MGAT5: variants seen among roughly 807,000 people sequenced by gnomAD.
MGAT5 encodes the protein alpha-1,6-mannosylglycoprotein 6-beta-N-acetylglucosaminyltransferase.
MGAT5 carries 30 observed loss-of-function variants against 94.3 expected under a neutral mutation model. That is an observed-to-expected ratio of 0.32 (90% CI 0.24 to 0.43). MGAT5 has a LOEUF of 0.43. Ranked by LOEUF, MGAT5 falls within the 20% of genes least tolerant of loss-of-function variation. The pLI, the probability that MGAT5 is intolerant of heterozygous loss-of-function variation, is 1.00. For synonymous variants in MGAT5, 310 were observed against 322.9 expected, an observed-to-expected ratio of 0.96 and a Z score of 0.43; for missense variants, 691 against 905.5, an observed-to-expected ratio of 0.76 and a Z score of 3.04.
chr2:134,205,438 A>T lies in MGAT5; in HGVS notation c.-142-48824A>T, dbSNP rs548976501. On this transcript the variant is annotated intron_variant, in intron 1 of 16. Transcript: ENST00000409645. ...AGGCAGAGCTGGTAGATACTGATGG[A>T]TTAAATATGAGGGGTGGGAAGGAGT... Among the ~76,000 whole-genome samples, 34 of 152,158 alleles carry T rather than the reference A, an allele frequency of 2.2e-4. 1 individual carries two copies. In the South Asian group the frequency reaches 6.8e-3, roughly 31 times the overall value.
At chr2:134,280,885 T>C (rs946532076) in intron 2 of MGAT5, among the ~76,000 whole-genome samples, 2 of 152,230 alleles carry the variant, frequency 1.3e-5, no homozygotes, top group Non-Finnish European at 2.9e-5. Context: ...AGGTTTTCAC[T>C]CCTGGGCCAG....
intron 1 of MGAT5, among the ~76,000 whole-genome samples, chr2:134,191,951 C>T (rs1036883060): frequency 5.4e-5 from 8 of 148,632 alleles, no homozygotes; most frequent in Non-Finnish European, 7.5e-5. Context: ...TCGTGCCCTC[C>T]TTCTCCTCCT....
At chr2:134,212,831 T>C (rs1680272185) in intron 1 of MGAT5, among the ~76,000 whole-genome samples, 1 of 152,206 alleles carries the variant, frequency 6.6e-6, no homozygotes, top group African/African-American at 2.4e-5. Flanking sequence ...TCAGTTCCAG[T>C]GTATCCAACT....
rs182827141 is a variant in MGAT5 at position 134,374,760 on chromosome 2, A to C, written c.1380+12352A>C. Among the ~76,000 whole-genome samples the C allele has an allele frequency of 4.0e-3, 614 of 152,274 alleles. 3 individuals carry two copies. The highest frequency in any genetic ancestry group is 0.014 in the African/African-American group (591 of 41,566). ...GTAATCCCAGTACTTTGGAAGGCCG[A>C]GGTGGGCAGATCACTTGAGCCTAGG... On this transcript the variant is annotated intron_variant, in intron 10 of 15. Coordinates refer to ENST00000281923, the MANE Select transcript of MGAT5 (RefSeq NM_002410.5).
chr2:134,355,092 C>G (rs1184505527), intron 9 of MGAT5, among the ~76,000 whole-genome samples: 4 of 152,180 alleles, frequency 2.6e-5, no homozygotes, highest in Non-Finnish European at 5.9e-5. Flanking sequence ...CACCAAACAG[C>G]CTGCTGGTCC....
chr2:134,389,836 A>G (rs1682286826), intron 10 of MGAT5, among the ~76,000 whole-genome samples: 1 of 152,188 alleles, frequency 6.6e-6, no homozygotes, highest in Non-Finnish European at 1.5e-5. Flanking sequence ...CCTCTTGTGA[A>G]CCTTGTATTG....
At chr2:134,416,555 T>C (rs1393391728) in intron 12 of MGAT5, among the ~76,000 whole-genome samples, 1 of 150,876 alleles carries the variant, frequency 6.6e-6, no homozygotes, top group African/African-American at 2.4e-5. Flanking sequence ...CACTGCAGTC[T>C]CAAACTCCTG....
At position 134,332,754 on chromosome 2, in the gene MGAT5, C is replaced by A. The variant is rs1201980029; in HGVS notation, c.574-3463C>A. 2.0e-5 allele frequency among the ~76,000 whole-genome samples: 3 copies of A among 152,032 alleles called. No individual in the cohort carries two copies. In the East Asian group the frequency reaches 5.8e-4, roughly 29 times the overall value. On this transcript the variant is annotated intron_variant, in intron 4 of 15. Coordinates refer to ENST00000281923, the MANE Select transcript of MGAT5 (RefSeq NM_002410.5). ...AACAAATTTACAAGAAAAAAACAACCCCATCAAAAAGTGGGCGAAGGACAT... is the reference window on the plus strand; with the variant it reads ...AACAAATTTACAAGAAAAAAACAACACCATCAAAAAGTGGGCGAAGGACAT...
At chr2:134,413,091 A>C (rs1683764253) in intron 12 of MGAT5, 76 bp downstream of exon 12, 1 of 1,517,220 alleles carries the variant, frequency 6.6e-7, no homozygotes, top group Non-Finnish European at 9.0e-7. Context: ...TGTAGGTATT[A>C]ACTTCATCTA....
chr2:134,261,070 A>G (rs1683302095), intron 1 of MGAT5, among the ~76,000 whole-genome samples: 2 of 152,172 alleles, frequency 1.3e-5, no homozygotes. Flanking sequence ...GGAAGACCTC[A>G]GAAATGTTTT....
At chr2:134,126,587 C>G (rs556301002) in intron 1 of MGAT5, among the ~76,000 whole-genome samples, 2 of 152,352 alleles carry the variant, frequency 1.3e-5, no homozygotes, top group South Asian at 4.1e-4. Flanking sequence ...TATTGTTACT[C>G]TCTTTGGGGA....
intron 1 of MGAT5, among the ~76,000 whole-genome samples, chr2:134,130,984 G>A (rs558537657): frequency 1.3e-5 from 2 of 152,340 alleles, no homozygotes; most frequent in South Asian, 2.1e-4. Flanking sequence ...ATAAAAGCAG[G>A]CTGCCTGAGC....
At chr2:134,180,397 C>G (rs1375675237) in intron 1 of MGAT5, among the ~76,000 whole-genome samples, 1 of 152,206 alleles carries the variant, frequency 6.6e-6, no homozygotes, top group Non-Finnish European at 1.5e-5. Flanking sequence ...TCAAATTCCT[C>G]TTGGTAAAGT....
chr2:134,417,551 T>C (rs1684050908), intron 12 of MGAT5, among the ~76,000 whole-genome samples: 1 of 152,196 alleles, frequency 6.6e-6, no homozygotes, highest in African/African-American at 2.4e-5. Context: ...TTGACTGATA[T>C]TTTCCCATCA....
chr2:134,291,105 A>G (rs570366335), intron 2 of MGAT5, among the ~76,000 whole-genome samples: 1 of 152,298 alleles, frequency 6.6e-6, no homozygotes, highest in Non-Finnish European at 1.5e-5. Flanking sequence ...ACATAAAGCA[A>G]GGTTAAAAGA....
intron 1 of MGAT5, among the ~76,000 whole-genome samples, chr2:134,243,936 A>AT (rs1682100214): frequency 6.6e-6 from 1 of 152,106 alleles, no homozygotes; most frequent in Admixed American, 6.5e-5. Flanking sequence ...CATTACCCAT[A>AT]TTTTTGAAAT....
intron 12 of MGAT5, among the ~76,000 whole-genome samples, chr2:134,416,931 T>A (rs1217449554): frequency 1.3e-5 from 2 of 151,702 alleles, no homozygotes; most frequent in East Asian, 1.9e-4. Flanking sequence ...ATGAAAAAAA[T>A]ATATATATTT....
intron 12 of MGAT5, 132 bp from the exon 13 acceptor site, chr2:134,422,671 A>T (rs527805349): frequency 4.5e-6 from 3 of 663,544 alleles, no homozygotes; most frequent in Non-Finnish European, 8.1e-6. Context: ...GGTTTTGATC[A>T]TCAAGGGGAA....
In MGAT5 at chr2:134,275,689, C is replaced by G. The variant is rs547575187; in HGVS notation, c.406+5139C>G. On this transcript the variant is annotated intron_variant, in intron 2 of 15. Coordinates refer to ENST00000281923, the MANE Select transcript of MGAT5 (RefSeq NM_002410.5). ...GCCTCGACCTTCCATGTCCCCACCC[C>G]CTGCCGCCTCAGCCTTCTGAGTAGC... 5.3e-3 allele frequency among the ~76,000 whole-genome samples: 796 copies of G among 151,482 alleles called. 3 individuals are homozygous for G. Among genetic ancestry groups the G allele is most frequent in the African/African-American group, 0.018 (759 of 41,182 alleles).
Sources: allele counts gnomAD v4.1 joint callset (sites outside exome capture counted in the v4.1 genomes callset), GRCh38; gene constraint gnomAD v4.1.1; transcripts MANE v1.5; gene names NCBI Gene and HGNC (gene_info 2026-07-23, HGNC 2026-07-21).